Variants in MACROD2 observed in about 807,000 individuals in gnomAD.
MACROD2 encodes the protein mono-ADP ribosylhydrolase 2.
In MACROD2, 36 loss-of-function variants were observed where a neutral mutation model predicts 70.4. The observed-to-expected ratio is 0.51, with a 90% CI of 0.39 to 0.68. The LOEUF (loss-of-function observed/expected upper bound fraction) is 0.68, where lower values mean the gene tolerates loss of function less well. MACROD2 is among the 30% of genes least tolerant of loss of function. The pLI is 0.00. For synonymous variants in MACROD2, 172 were observed against 178.8 expected (o/e 0.96, Z 0.30); for missense variants, 496 against 538.4 (o/e 0.92, Z 0.78).
intron 7 of MACROD2, among the ~76,000 whole-genome samples, chr20:15,498,293 G>A (rs993856273): frequency 3.3e-5 from 5 of 152,006 alleles, no homozygotes; most frequent in East Asian, 1.9e-4. Flanking sequence ...TTCTGAAGAC[G>A]TACTGAGATC....
chr20:14,777,236 AT>A (rs1440383480), intron 5 of MACROD2, among the ~76,000 whole-genome samples: 2 of 152,004 alleles, frequency 1.3e-5, no homozygotes, highest in Non-Finnish European at 2.9e-5. Context: ...CAAGGGTATC[AT>A]TTTACATTTC....
chr20:14,871,705 C>T (rs1443285010), intron 5 of MACROD2, among the ~76,000 whole-genome samples: 4 of 151,936 alleles, frequency 2.6e-5, no homozygotes, highest in African/African-American at 9.7e-5. Flanking sequence ...CTAAATACCC[C>T]AAATGAAAAG....
At chr20:15,677,873 C>T (rs2050088419) in intron 8 of MACROD2, among the ~76,000 whole-genome samples, 1 of 152,078 alleles carries the variant, frequency 6.6e-6, no homozygotes, top group Non-Finnish European at 1.5e-5. Flanking sequence ...TTGAGGCCAT[C>T]CTGGCCAACA....
chr20:15,639,583 G>A (rs1288710207), intron 8 of MACROD2, among the ~76,000 whole-genome samples: 2 of 152,122 alleles, frequency 1.3e-5, no homozygotes, highest in African/African-American at 4.8e-5. Context: ...GGACTTCAAG[G>A]CAGATAGTTC....
intron 8 of MACROD2, among the ~76,000 whole-genome samples, chr20:15,502,989 C>A (rs1004442061): frequency 2.0e-5 from 3 of 152,174 alleles, no homozygotes; most frequent in Non-Finnish European, 4.4e-5. Flanking sequence ...ATAACTTTCA[C>A]TCACATTTCA....
intron 5 of MACROD2, among the ~76,000 whole-genome samples, chr20:15,023,716 A>C (rs1305324996): frequency 6.6e-6 from 1 of 152,158 alleles, no homozygotes; most frequent in Non-Finnish European, 1.5e-5. Context: ...AGAAAACAGC[A>C]TGGGAAAGAC....
intron 5 of MACROD2, among the ~76,000 whole-genome samples, chr20:15,086,484 T>G (rs1015041140): frequency 1.3e-5 from 2 of 152,174 alleles, no homozygotes; most frequent in African/African-American, 4.8e-5. Context: ...CAATCCCCTG[T>G]TGAAAACCAC....
intron 3 of MACROD2, among the ~76,000 whole-genome samples, chr20:14,231,184 A>G (rs938012430): frequency 2.0e-5 from 3 of 151,704 alleles, no homozygotes; most frequent in Non-Finnish European, 2.9e-5. Flanking sequence ...CATGTGCACA[A>G]TGTGCAGGTT....
intron 8 of MACROD2, among the ~76,000 whole-genome samples, chr20:15,804,879 A>T (rs2063755177): frequency 6.6e-6 from 1 of 152,118 alleles, no homozygotes; most frequent in Admixed American, 6.5e-5. Context: ...GTGGCTTTCA[A>T]CCCATGATCA....
intron 3 of MACROD2, among the ~76,000 whole-genome samples, chr20:14,140,587 T>C (rs1197579794): frequency 1.3e-5 from 2 of 152,204 alleles, no homozygotes; most frequent in African/African-American, 4.8e-5. Flanking sequence ...CCCATATCTT[T>C]TTAGTCTTAA....
Position 14,230,631 on chromosome 20 carries a change from T to TGTGTGTATATATATATATATATATATA in MACROD2, c.271+144903_271+144904insGTGTGTATATATATATATATATATATA, listed in dbSNP as rs1569217269. On this transcript the variant is annotated intron_variant, in intron 3 of 17. Transcript: ENST00000684519. ...ACTTCTTCCAAACTCTCATTCATGT[T>TGTGTGTATATATATATATATATATATA]TATATATATATATATATATATATAA... 8.5e-5 allele frequency among the ~76,000 whole-genome samples: 8 copies of TGTGTGTATATATATATATATATATATA among 94,252 alleles called. 1 individual carries two copies. Among genetic ancestry groups the TGTGTGTATATATATATATATATATATA allele is most frequent in the Admixed American group, 1.2e-4 (1 of 8,286 alleles). 61.8% of individuals were successfully genotyped at this position (94,252 alleles called of 152,430 possible). A position where few individuals can be genotyped will look rare whatever the true frequency, so the allele number is the denominator to read the frequency against.
rs958688182 is a variant in MACROD2 at position 15,990,236 on chromosome 20, C to T, written c.1153+3078C>T. On this transcript the variant is annotated intron_variant, in intron 15 of 17. Coordinates refer to ENST00000684519, the MANE Select transcript of MACROD2 (RefSeq NM_001351661.2). ...ACACATATGAAATCCAGTCGAATAA[C>T]GTCATTTAGGTTAATAACCAAATAG... 1.2e-4 allele frequency among the ~76,000 whole-genome samples: 18 copies of T among 152,048 alleles called. No individual in the cohort carries two copies. In the South Asian group the frequency reaches 1.5e-3, roughly 12 times the overall value.
rs533894502 is a variant in MACROD2 at position 15,507,887 on chromosome 20, G to A, written c.645+8040G>A. Among the ~76,000 whole-genome samples, 12 of 152,328 alleles carry A rather than the reference G, an allele frequency of 7.9e-5. No homozygotes were observed. The South Asian group carries it at 2.5e-3, about 32-fold the overall frequency. On this transcript the variant is annotated intron_variant, in intron 8 of 17. Coordinates refer to ENST00000684519, the MANE Select transcript of MACROD2 (RefSeq NM_001351661.2). ...GGTCAATAGGAAGCACAGTGCATGG[G>A]AAAATATGCATTTTGCTGTTTCAGT...
intron 3 of MACROD2, among the ~76,000 whole-genome samples, chr20:14,458,302 C>A (rs1047214505): frequency 6.6e-6 from 1 of 151,928 alleles, no homozygotes; most frequent in African/African-American, 2.4e-5. Context: ...CATATTTCAA[C>A]AAGATGATAT....
At chr20:15,986,899 T>TG in intron 14 of MACROD2, 98 bp downstream of exon 14, 1 of 1,048,716 alleles carries the variant, frequency 9.5e-7, no homozygotes, top group Non-Finnish European at 1.5e-6. Context: ...TGTGTGTGTG[T>TG]TTTAGGCAAT....
At chr20:15,524,875 T>C (rs1482138421) in intron 8 of MACROD2, among the ~76,000 whole-genome samples, 1 of 152,248 alleles carries the variant, frequency 6.6e-6, no homozygotes, top group Middle Eastern at 3.2e-3. Flanking sequence ...GGCTACCATA[T>C]TGGACAGAGC....
At chr20:14,604,387 C>T (rs1982673470) in intron 4 of MACROD2, among the ~76,000 whole-genome samples, 1 of 152,152 alleles carries the variant, frequency 6.6e-6, no homozygotes, top group Non-Finnish European at 1.5e-5. Flanking sequence ...GATTTTTTTG[C>T]TCTTGTGGGT....
intron 5 of MACROD2, among the ~76,000 whole-genome samples, 187 bp from the exon 6 acceptor site, chr20:15,229,753 G>A (rs185165402): frequency 2.2e-4 from 33 of 152,288 alleles, no homozygotes; most frequent in Middle Eastern, 3.4e-3. Context: ...CTGGGAAATT[G>A]CCTACTTTAG....
chr20:15,816,609 C>T (rs1427575292), intron 8 of MACROD2, among the ~76,000 whole-genome samples: 4 of 152,114 alleles, frequency 2.6e-5, no homozygotes, highest in African/African-American at 9.7e-5. Flanking sequence ...TGATAACTCC[C>T]ACGGCTTCTT....
Sources: allele counts gnomAD v4.1 joint callset (sites outside exome capture counted in the v4.1 genomes callset), GRCh38; gene constraint gnomAD v4.1.1; transcripts MANE v1.5; gene names NCBI Gene and HGNC (gene_info 2026-07-23, HGNC 2026-07-21).